The following HIBADH variants were observed in gnomAD, a reference collection of about 807,000 sequenced individuals.
HIBADH encodes the protein 3-hydroxyisobutyrate dehydrogenase.
Under a neutral mutation model 36.1 loss-of-function variants are expected in HIBADH, and 25 were observed. The observed-to-expected ratio is 0.69, with a 90% CI of 0.50 to 0.97. HIBADH has a LOEUF of 0.97. HIBADH is among the 50% of genes least tolerant of loss of function. The pLI is 0.00. For missense variants in HIBADH, 421 were observed against 418.0 expected (o/e 1.01, Z -0.06); for synonymous variants, 160 against 149.5 (o/e 1.07, Z -0.51).
intron 4 of HIBADH, among the ~76,000 whole-genome samples, chr7:27,625,993 T>C (rs1417167691): frequency 6.7e-6 from 1 of 148,434 alleles, no homozygotes; most frequent in African/African-American, 2.5e-5. Context: ...TCTCAGCTAC[T>C]CGGGAGGCTG....
At chr7:27,586,395 AAGGG>A (rs1291118215) in intron 4 of HIBADH, among the ~76,000 whole-genome samples, 1 of 143,896 alleles carries the variant, frequency 6.9e-6, no homozygotes, top group Admixed American at 6.9e-5. Context: ...AGAAGGAAGG[AAGGG>A]AGGGAGGGAG....
chr7:27,644,915 A>G (rs550526714), intron 2 of HIBADH, among the ~76,000 whole-genome samples: 5 of 152,266 alleles, frequency 3.3e-5, no homozygotes, highest in African/African-American at 1.2e-4. Context: ...AGTCTATAGT[A>G]TGTGGTTTTT....
chr7:27,585,426 T>C (rs1784846383), intron 4 of HIBADH, among the ~76,000 whole-genome samples: 1 of 152,122 alleles, frequency 6.6e-6, no homozygotes, highest in Non-Finnish European at 1.5e-5. Flanking sequence ...CTTTTGTATC[T>C]TTGCCAATCT....
chr7:27,654,071 G>C (rs558561164), intron 1 of HIBADH, among the ~76,000 whole-genome samples: 1 of 152,278 alleles, frequency 6.6e-6, no homozygotes, highest in Non-Finnish European at 1.5e-5. Flanking sequence ...TAAATTTCTT[G>C]AGATGAAATC....
At chr7:27,637,955 C>T (rs1785871679) in intron 2 of HIBADH, among the ~76,000 whole-genome samples, 1 of 152,084 alleles carries the variant, frequency 6.6e-6, no homozygotes. Context: ...ACATTCCATG[C>T]TCATGGATAG....
At chr7:27,636,948 C>T (rs1037397554) in intron 2 of HIBADH, among the ~76,000 whole-genome samples, 5 of 152,182 alleles carry the variant, frequency 3.3e-5, no homozygotes, top group African/African-American at 1.2e-4. Context: ...GTCTACATAT[C>T]ACTTCTTGGC....
intron 4 of HIBADH, among the ~76,000 whole-genome samples, chr7:27,589,588 A>G (rs536012583): frequency 5.1e-4 from 78 of 152,344 alleles, no homozygotes; most frequent in African/African-American, 1.7e-3. Context: ...GAGATATTAA[A>G]TAACTAGGAT....
At chr7:27,582,544 G>A (rs775224057) in intron 4 of HIBADH, among the ~76,000 whole-genome samples, 1 of 151,988 alleles carries the variant, frequency 6.6e-6, no homozygotes, top group Non-Finnish European at 1.5e-5. Flanking sequence ...TAGAATTATT[G>A]TAATAGTTCA....
chr7:27,578,037 A>G (rs1784739018), intron 4 of HIBADH, among the ~76,000 whole-genome samples: 1 of 152,232 alleles, frequency 6.6e-6, no homozygotes, highest in South Asian at 2.1e-4. Context: ...GAATACTGTT[A>G]TTAGCATCCA....
chr7:27,537,143 C>T (rs1458248941), intron 6 of HIBADH, among the ~76,000 whole-genome samples: 2 of 151,118 alleles, frequency 1.3e-5, no homozygotes, highest in Admixed American at 6.6e-5. Flanking sequence ...TGAAAAGGTC[C>T]CTATATACTA....
chr7:27,654,324 A>T (rs1340109306), intron 1 of HIBADH, among the ~76,000 whole-genome samples: 1 of 152,198 alleles, frequency 6.6e-6, no homozygotes, highest in Non-Finnish European at 1.5e-5. Context: ...ATGTGTGAAG[A>T]ACAAATGGCC....
At chr7:27,557,610 G>A (rs1784411571) in intron 4 of HIBADH, among the ~76,000 whole-genome samples, 1 of 152,154 alleles carries the variant, frequency 6.6e-6, no homozygotes, top group Non-Finnish European at 1.5e-5. Context: ...CAAGATGGCA[G>A]CTTGTTGCTG....
intron 4 of HIBADH, among the ~76,000 whole-genome samples, chr7:27,626,246 A>G (rs1314619854): frequency 3.3e-5 from 5 of 152,036 alleles, no homozygotes; most frequent in Admixed American, 2.0e-4. Context: ...TACACCTATT[A>G]TATACCCACA....
rs1169355947 is a variant in HIBADH at position 27,649,631 on chromosome 7, A to T, written c.94T>A (p.Cys32Ser). 6.3e-7 allele frequency: 1 copy of T among 1,594,750 alleles called. No homozygotes were observed. Among genetic ancestry groups the T allele is most frequent in the Admixed American group, 1.7e-5 (1 of 57,696 alleles). Reference sequence around the variant, plus strand: ...GTCTTTGAAGCCACTGACCTAGAACACACTGATTTCAATACATTATTTTCA... The same window carrying T: ...GTCTTTGAAGCCACTGACCTAGAACTCACTGATTTCAATACATTATTTTCA... ...RPAAGSFAAV[C>S]SRSVASKTPV... Residue 32 changes from cysteine to serine, a missense_variant and splice_region_variant, in exon 2 of 8, where the codon TGT (cysteine) becomes AGT (serine). Transcript: ENST00000265395.
chr7:27,629,339 A>G, intron 4 of HIBADH, 32 bp downstream of exon 4: 1 of 1,597,172 alleles, frequency 6.3e-7, no homozygotes, highest in Non-Finnish European at 8.5e-7. Flanking sequence ...ACAAACATAA[A>G]TAGGTTTGCA....
At chr7:27,582,304 G>A (rs1020515460) in intron 4 of HIBADH, among the ~76,000 whole-genome samples, 1 of 152,090 alleles carries the variant, frequency 6.6e-6, no homozygotes, top group Non-Finnish European at 1.5e-5. Flanking sequence ...TGCTTAGTGT[G>A]AATATTCATA....
intron 4 of HIBADH, among the ~76,000 whole-genome samples, chr7:27,548,680 TAAG>T (rs1024285892): frequency 3.3e-5 from 5 of 152,064 alleles, no homozygotes; most frequent in African/African-American, 1.2e-4. Flanking sequence ...AGTCCAAAAC[TAAG>T]GTCATGGTAG....
In HIBADH at chr7:27,569,100, TTTTC is replaced by T. The variant is rs539211030; in HGVS notation, c.485-26004_485-26001del. ...TTTCTGTCTCCAAATCCACTGACTC[TTTTC>T]TTTGTCACAAGCACTCTGCTTTTGA... On this transcript the variant is annotated intron_variant, in intron 4 of 7. Coordinates refer to ENST00000265395, the MANE Select transcript of HIBADH (RefSeq NM_152740.4). 3.3e-3 allele frequency among the ~76,000 whole-genome samples: 498 copies of T among 152,302 alleles called. 6 individuals carry two copies. Among genetic ancestry groups the T allele is most frequent in the African/African-American group, 0.011 (467 of 41,580 alleles).
intron 2 of HIBADH, among the ~76,000 whole-genome samples, chr7:27,635,200 A>C (rs1458014442): frequency 6.6e-6 from 1 of 152,096 alleles, no homozygotes; most frequent in Non-Finnish European, 1.5e-5. Flanking sequence ...CTCACCATCC[A>C]TGTGATGACT....
Sources: gnomAD v4.1 joint callset for allele counts (sites outside exome capture counted in the v4.1 genomes callset) on GRCh38, gnomAD v4.1.1 for gene constraint, MANE v1.5 for transcripts, NCBI Gene and HGNC (gene_info 2026-07-23, HGNC 2026-07-21) for gene names.